LAMA2: variants seen among roughly 807,000 people sequenced by gnomAD.
LAMA2 encodes the protein laminin subunit alpha 2.
A neutral mutation model predicts 364.8 loss-of-function variants in LAMA2; 269 were observed. The ratio of observed to expected loss-of-function variants is 0.74; its 90% CI spans 0.67 to 0.82. LAMA2 has a LOEUF of 0.82. Among genes scored for constraint, LAMA2 ranks in the 40% least tolerant of loss-of-function variants. The pLI is 0.00. For synonymous variants in LAMA2, 1,379 were observed against 1,370.6 expected, an observed-to-expected ratio of 1.01 and a Z score of -0.14; for missense variants, 3,807 against 3,873.2, an observed-to-expected ratio of 0.98 and a Z score of 0.45.
chr6:129,474,373 G>A (rs1026129944), intron 52 of LAMA2, among the ~76,000 whole-genome samples: 2 of 152,048 alleles, frequency 1.3e-5, no homozygotes, highest in African/African-American at 4.8e-5. Context: ...ATTATCTGAT[G>A]AGCTTCATGG....
chr6:129,260,794 C>T lies in LAMA2; in HGVS notation c.2180C>T (p.Pro727Leu). 6.2e-7 allele frequency: 1 copy of T among 1,609,328 alleles called. No homozygotes were observed. The highest frequency in any genetic ancestry group is 8.5e-7 in the Non-Finnish European group (1 of 1,175,790). Residue 727 changes from proline to leucine, a missense_variant, in exon 15 of 65, where the codon CCA (proline) becomes CTA (leucine). Physicochemically the swap from Pro to Leu is moderately conservative, Grantham distance 98 (BLOSUM62 -3). Coordinates refer to ENST00000421865, the MANE Select transcript of LAMA2 (RefSeq NM_000426.4). ...IAAAVEVCQCPPGYTGSSCES... is the reference protein window; with the variant it reads ...IAAAVEVCQCLPGYTGSSCES... ...GCAGCTGTAGAAGTGTGTCAGTGCCCACCAGGGTATACTGGCTCCTCTTGT... is the reference window on the plus strand; with the variant it reads ...GCAGCTGTAGAAGTGTGTCAGTGCCTACCAGGGTATACTGGCTCCTCTTGT...
At chr6:128,908,866 T>C (rs1229413765) in intron 1 of LAMA2, among the ~76,000 whole-genome samples, 1 of 148,340 alleles carries the variant, frequency 6.7e-6, no homozygotes, top group African/African-American at 2.6e-5. Context: ...AAAGAACATC[T>C]TTATTTCTGC....
At chr6:129,190,119 C>T (rs1004441114) in intron 10 of LAMA2, 86 bp from the exon 11 acceptor site, 19 of 1,281,222 alleles carry the variant, frequency 1.5e-5, no homozygotes, top group Non-Finnish European at 2.0e-5. Flanking sequence ...GAAGAATGTA[C>T]AGTTAATATT....
chr6:129,051,575 G>T (rs1044310104), intron 2 of LAMA2, among the ~76,000 whole-genome samples: 2 of 149,270 alleles, frequency 1.3e-5, no homozygotes, highest in African/African-American at 4.9e-5. Flanking sequence ...CCTCCCAATA[G>T]ATATATTTTT....
intron 4 of LAMA2, among the ~76,000 whole-genome samples, chr6:129,123,772 T>C (rs1457887091): frequency 2.0e-5 from 3 of 152,156 alleles, no homozygotes; most frequent in African/African-American, 7.2e-5. Context: ...GGATAAAAAG[T>C]TTTATTTATA....
intron 40 of LAMA2, among the ~76,000 whole-genome samples, chr6:129,410,006 C>T (rs6930649): frequency 0.5 from 76,203 of 151,898 alleles, 19,610 homozygotes; most frequent in African/African-American, 0.62. Context: ...AGGCAATAAG[C>T]ACACTCTCAG....
chr6:128,958,082 T>C (rs902511200), intron 1 of LAMA2, among the ~76,000 whole-genome samples: 15 of 151,994 alleles, frequency 9.9e-5, no homozygotes, highest in Admixed American at 7.9e-4. Context: ...TTTCTTATTA[T>C]AAAATATTGC....
At chr6:129,203,402 C>T (rs1485991635) in intron 12 of LAMA2, among the ~76,000 whole-genome samples, 1 of 152,186 alleles carries the variant, frequency 6.6e-6, no homozygotes, top group Admixed American at 6.5e-5. Flanking sequence ...ATAGATCAGA[C>T]CCACCCCTTG....
Position 129,158,021 on chromosome 6 carries a change from GT to G in LAMA2, c.1206+3343del. ...AACTCCCATTTTTCTTGATGAGGAT[GT>G]TTTTGCTCTTTAGGTCTCGATGAGC... On this transcript the variant is annotated intron_variant, in intron 8 of 64. Transcript: ENST00000421865. The G allele has an allele frequency of 1.9e-6, 3 of 1,613,312 alleles. No homozygotes were observed. The Admixed American group carries it at 5.0e-5, about 27-fold the overall frequency.
intron 16 of LAMA2, among the ~76,000 whole-genome samples, chr6:129,270,248 T>C (rs1024027381): frequency 6.7e-6 from 1 of 149,278 alleles, no homozygotes; most frequent in Non-Finnish European, 1.5e-5. Context: ...TAAACATATG[T>C]TATTAGTGCT....
intron 22 of LAMA2, among the ~76,000 whole-genome samples, chr6:129,306,609 A>G (rs1773894849): frequency 6.6e-6 from 1 of 151,376 alleles, no homozygotes; most frequent in Non-Finnish European, 1.5e-5. Context: ...TGTTGGGCCA[A>G]TTGATATTTT....
At chr6:129,503,002 G>T in intron 59 of LAMA2, 89 bp from the exon 60 acceptor site, 1 of 1,282,970 alleles carries the variant, frequency 7.8e-7, no homozygotes, top group South Asian at 1.2e-5. Flanking sequence ...TCTCCTTTAT[G>T]AAAATGCAGC....
intron 28 of LAMA2, among the ~76,000 whole-genome samples, chr6:129,321,738 AT>A (rs1424953032): frequency 1.3e-5 from 2 of 152,252 alleles, no homozygotes; most frequent in East Asian, 3.8e-4. Context: ...GTTATAAATA[AT>A]TTTATACATC....
chr6:129,349,442 G>A (rs1776739495), intron 31 of LAMA2, 58 bp downstream of exon 31: 3 of 1,261,176 alleles, frequency 2.4e-6, no homozygotes, highest in East Asian at 2.3e-5. Context: ...ATGGTAAAGG[G>A]TCACAATAGG....
At chr6:129,490,157 G>T (rs780453022) in intron 56 of LAMA2, among the ~76,000 whole-genome samples, 42 of 152,202 alleles carry the variant, frequency 2.8e-4, no homozygotes, top group Non-Finnish European at 4.6e-4. Context: ...GCAGGATTTA[G>T]CTGTAGTTTT....
At chr6:128,929,698 C>T (rs1352639051) in intron 1 of LAMA2, 1 of 1,400,418 alleles carries the variant, frequency 7.1e-7, no homozygotes, top group Non-Finnish European at 1.0e-6. Flanking sequence ...AGGGCAATCA[C>T]CCGATGAAAC....
intron 1 of LAMA2, among the ~76,000 whole-genome samples, chr6:128,959,954 G>A (rs1160212292): frequency 6.6e-6 from 1 of 151,882 alleles, no homozygotes; most frequent in Non-Finnish European, 1.5e-5. Context: ...CTAGATGTAT[G>A]CCTAAACACC....
chr6:129,006,564 T>G (rs1437160894), intron 1 of LAMA2, among the ~76,000 whole-genome samples: 1 of 152,080 alleles, frequency 6.6e-6, no homozygotes, highest in East Asian at 1.9e-4. Flanking sequence ...CTCCTGCAGG[T>G]GCTGCCTCTT....
intron 4 of LAMA2, among the ~76,000 whole-genome samples, chr6:129,107,328 T>G (rs1036590906): frequency 6.6e-6 from 1 of 152,154 alleles, no homozygotes; most frequent in African/African-American, 2.4e-5. Flanking sequence ...CTTTTTATTC[T>G]CAAGGTTCAG....
Sources: gnomAD v4.1 joint callset for allele counts (sites outside exome capture counted in the v4.1 genomes callset) on GRCh38, gnomAD v4.1.1 for gene constraint, MANE v1.5 for transcripts, NCBI Gene and HGNC (gene_info 2026-07-23, HGNC 2026-07-21) for gene names.